Variants in NLGN1 observed in about 807,000 individuals in gnomAD.
NLGN1 encodes neuroligin 1, also known as neuroligin-1.
In NLGN1, 12 loss-of-function variants were observed where a neutral mutation model predicts 65.5. The ratio of observed to expected loss-of-function variants is 0.18; its 90% CI spans 0.12 to 0.30. The LOEUF is 0.30. Among genes scored for constraint, NLGN1 ranks in the 10% least tolerant of loss-of-function variants. The pLI is 1.00. For synonymous variants in NLGN1, 350 were observed against 359.5 expected (o/e 0.97, Z 0.30); for missense variants, 750 against 1,007.1 (o/e 0.74, Z 3.46).
intron 2 of NLGN1, among the ~76,000 whole-genome samples, chr3:173,441,238 C>T (rs1310644670): frequency 1.3e-5 from 2 of 152,182 alleles, no homozygotes; most frequent in African/African-American, 4.8e-5. Flanking sequence ...AAACTTTCTT[C>T]ATATCAGCAA....
At chr3:174,042,019 A>C (rs1732427100) in intron 4 of NLGN1, among the ~76,000 whole-genome samples, 1 of 151,990 alleles carries the variant, frequency 6.6e-6, no homozygotes, top group African/African-American at 2.4e-5. Context: ...GTGCCACTGC[A>C]CTCCAGTCTG....
At chr3:174,196,664 A>G (rs1444528384) in intron 4 of NLGN1, among the ~76,000 whole-genome samples, 1 of 152,166 alleles carries the variant, frequency 6.6e-6, no homozygotes, top group East Asian at 1.9e-4. Context: ...AGCACCAACA[A>G]ATATTTCTAG....
chr3:173,617,927 T>C (rs971290354), intron 3 of NLGN1, among the ~76,000 whole-genome samples: 1 of 152,158 alleles, frequency 6.6e-6, no homozygotes, highest in Non-Finnish European at 1.5e-5. Context: ...AATTATTTTC[T>C]TTTTTCCTTG....
At chr3:173,500,337 T>C (rs1482297239) in intron 2 of NLGN1, among the ~76,000 whole-genome samples, 1 of 152,196 alleles carries the variant, frequency 6.6e-6, no homozygotes, top group Non-Finnish European at 1.5e-5. Context: ...TGGTTCTGTT[T>C]ATATGCTGGA....
rs1751309631 is a variant in NLGN1, at chr3:174,280,233, G to A, written c.1650-248G>A. 6.6e-6 allele frequency among the ~76,000 whole-genome samples: 1 copy of A among 151,836 alleles called. No homozygotes were observed. The highest frequency in any genetic ancestry group is 2.1e-4 in the South Asian group (1 of 4,828). On this transcript the variant is annotated intron_variant, in intron 6 of 6. Coordinates refer to ENST00000457714, the Ensembl canonical transcript of NLGN1. The surrounding 1 kb of genome is among the most constrained non-coding windows in gnomAD (Gnocchi z 4.9). ...TTTAAATAATTCTTTAAAATCTTTG[G>A]GTAGATAGCAGCCCATCTCAGGATA...
intron 4 of NLGN1, among the ~76,000 whole-genome samples, chr3:174,155,766 C>A (rs1725330325): frequency 6.6e-6 from 1 of 151,596 alleles, no homozygotes; most frequent in African/African-American, 2.4e-5. Context: ...ATAAGGGTAC[C>A]AAGAACTGGA....
At chr3:173,786,833 T>C (rs1782047876) in intron 3 of NLGN1, among the ~76,000 whole-genome samples, 1 of 152,152 alleles carries the variant, frequency 6.6e-6, no homozygotes. Flanking sequence ...TCCCAGCATT[T>C]TGGGAGGCCG....
chr3:174,233,105 G>GGCA (rs1741025541), intron 4 of NLGN1, among the ~76,000 whole-genome samples: 8 of 152,210 alleles, frequency 5.3e-5, no homozygotes, highest in Admixed American at 5.2e-4. Context: ...TGGGGTGGCA[G>GGCA]CAAGACAGGA....
At chr3:173,705,366 G>T (rs1349566306) in intron 3 of NLGN1, among the ~76,000 whole-genome samples, 1 of 152,074 alleles carries the variant, frequency 6.6e-6, no homozygotes, top group African/African-American at 2.4e-5. Flanking sequence ...TTTATTTTCT[G>T]AGTTTCTGTC....
At chr3:173,647,247 A>AG (rs1758411073) in intron 3 of NLGN1, among the ~76,000 whole-genome samples, 1 of 152,178 alleles carries the variant, frequency 6.6e-6, no homozygotes, top group South Asian at 2.1e-4. Flanking sequence ...TTTTAATCAG[A>AG]AATTGAAATA....
intron 4 of NLGN1, among the ~76,000 whole-genome samples, chr3:173,922,408 A>C (rs187019438): frequency 6.6e-6 from 1 of 152,092 alleles, no homozygotes; most frequent in Non-Finnish European, 1.5e-5. Context: ...TAACTTTGCT[A>C]AGAAATATAG....
intron 2 of NLGN1, among the ~76,000 whole-genome samples, chr3:173,438,513 G>T (rs956126061): frequency 6.6e-6 from 1 of 152,046 alleles, no homozygotes; most frequent in African/African-American, 2.4e-5. Context: ...TTTTTAAACA[G>T]TATGCAATAT....
At chr3:173,568,198 C>CTTTCCTTTCCTTTCCT (rs1254063777) in intron 2 of NLGN1, among the ~76,000 whole-genome samples, 1 of 105,298 alleles carries the variant, frequency 9.5e-6, no homozygotes, top group African/African-American at 2.8e-5. Flanking sequence ...CTTTTCTTTT[C>CTTTCCTTTCCTTTCCT]TTTCCTTTCC....
intron 4 of NLGN1, among the ~76,000 whole-genome samples, chr3:173,992,567 G>C (rs1317757459): frequency 6.6e-6 from 1 of 152,048 alleles, no homozygotes; most frequent in African/African-American, 2.4e-5. Flanking sequence ...TCCCATGAAA[G>C]AATTATTTTT....
At chr3:174,007,277 A>G (rs1724630039) in intron 4 of NLGN1, among the ~76,000 whole-genome samples, 2 of 152,180 alleles carry the variant, frequency 1.3e-5, no homozygotes. Context: ...TTGTTGCTTA[A>G]GCCATCCAGT....
At chr3:173,806,318 G>A (rs1716629548) in intron 3 of NLGN1, among the ~76,000 whole-genome samples, 1 of 151,970 alleles carries the variant, frequency 6.6e-6, no homozygotes, top group Non-Finnish European at 1.5e-5. Flanking sequence ...TACAAAAAAT[G>A]CAAAGCAATC....
chr3:173,573,148 T>C (rs1744920693), intron 2 of NLGN1, among the ~76,000 whole-genome samples: 1 of 149,856 alleles, frequency 6.7e-6, no homozygotes, highest in African/African-American at 2.4e-5. Context: ...GAACAGGAAG[T>C]ACAGGAGGCT....
chr3:173,953,959 A>G (rs1400639545), intron 4 of NLGN1, among the ~76,000 whole-genome samples: 2 of 152,194 alleles, frequency 1.3e-5, no homozygotes, highest in African/African-American at 4.8e-5. Flanking sequence ...GCCACCAAAG[A>G]TGTTCTAAAG....
At chr3:174,170,056 G>C (rs919403745) in intron 4 of NLGN1, among the ~76,000 whole-genome samples, 2 of 152,008 alleles carry the variant, frequency 1.3e-5, no homozygotes, top group Admixed American at 1.3e-4. Context: ...CATCATGGGG[G>C]CTGTTTGCCA....
Sources: allele counts gnomAD v4.1 joint callset (sites outside exome capture counted in the v4.1 genomes callset), GRCh38; gene constraint gnomAD v4.1.1; non-coding constraint Gnocchi (gnomAD v3.1); transcripts MANE v1.5; gene names NCBI Gene and HGNC (gene_info 2026-07-23, HGNC 2026-07-21).